The following XRCC4 variants were observed in gnomAD, a reference collection of about 807,000 sequenced individuals.
XRCC4 encodes X-ray repair cross complementing 4.
In XRCC4, 28 loss-of-function variants were observed where a neutral mutation model predicts 39.1. The observed-to-expected ratio is 0.72, with a 90% CI of 0.53 to 0.98. XRCC4 has a LOEUF of 0.98. XRCC4 is among the 50% of genes least tolerant of loss of function. XRCC4 has a pLI of 0.00. For missense variants in XRCC4, 350 were observed against 376.4 expected (o/e 0.93, Z 0.58); for synonymous variants, 123 against 126.4 (o/e 0.97, Z 0.18).
chr5:83,365,142 C>T, the XRCC4 span, among the ~76,000 whole-genome samples: 16 of 152,168 alleles, frequency 1.1e-4, no homozygotes, highest in Admixed American at 5.2e-4. Context: ...GGAAACACCA[C>T]TTACTGTACT....
chr5:83,333,294 T>C (rs189071086), intron 7 of XRCC4, among the ~76,000 whole-genome samples: 17 of 152,290 alleles, frequency 1.1e-4, no homozygotes, highest in Non-Finnish European at 1.9e-4. Context: ...TCATGTATTC[T>C]CAAATTAAAA....
intron 7 of XRCC4, among the ~76,000 whole-genome samples, chr5:83,350,799 GT>G (rs1757058114): frequency 6.6e-6 from 1 of 152,022 alleles, no homozygotes; most frequent in South Asian, 2.1e-4. Context: ...TTTTGTTTTT[GT>G]TGCAGTTGCT....
At chr5:83,258,209 G>T (rs1043350776) in intron 6 of XRCC4, among the ~76,000 whole-genome samples, 1 of 151,876 alleles carries the variant, frequency 6.6e-6, no homozygotes, top group Non-Finnish European at 1.5e-5. Flanking sequence ...ATGCAGTTTT[G>T]TTTTTGTTGC....
rs761730726 is a variant in XRCC4, at chr5:83,258,591, T to C, written c.807T>C (p.Ser269=). 5.6e-6 allele frequency: 9 copies of C among 1,610,488 alleles called. No individual in the cohort carries two copies. The highest frequency in any genetic ancestry group is 3.4e-5 in the Admixed American group (2 of 59,092). Residue 269 remains serine (S), a synonymous_variant, in exon 7 of 8, where the codon AGT becomes AGC. Transcript: ENST00000396027. ...TTGATGTCACTGATATTGCACCAAG[T>C]AGAAAAAGGAGACAGCGAATGCAAA... ...SSLDVTDIAP[S]RKRRQRMQRN...
chr5:83,258,794 C>G (rs183042298), intron 7 of XRCC4, 117 bp downstream of exon 7: 1 of 1,193,382 alleles, frequency 8.4e-7, no homozygotes, highest in Admixed American at 3.0e-5. Flanking sequence ...AAGAAAATGT[C>G]ATTTTGGAAT....
intron 3 of XRCC4, among the ~76,000 whole-genome samples, chr5:83,112,462 T>C (rs1232304050): frequency 6.6e-6 from 1 of 152,226 alleles, no homozygotes; most frequent in Non-Finnish European, 1.5e-5. Context: ...TTCACACATA[T>C]TGATACATAA....
chr5:83,122,853 G>C (rs749878278), intron 3 of XRCC4, among the ~76,000 whole-genome samples: 1 of 151,926 alleles, frequency 6.6e-6, no homozygotes, highest in African/African-American at 2.4e-5. Flanking sequence ...TACAGATATC[G>C]TGCCAATACT....
At chr5:83,146,319 C>G (rs1030393088) in intron 3 of XRCC4, among the ~76,000 whole-genome samples, 2 of 152,148 alleles carry the variant, frequency 1.3e-5, no homozygotes, top group Non-Finnish European at 2.9e-5. Context: ...TGAGCTATTT[C>G]AAACTGAATT....
At chr5:83,298,466 T>A (rs1037403203) in intron 7 of XRCC4, among the ~76,000 whole-genome samples, 1 of 152,004 alleles carries the variant, frequency 6.6e-6, no homozygotes. Context: ...CTTTCATTAT[T>A]ATAAAATGAC....
chr5:83,274,415 C>A (rs1316515704), intron 7 of XRCC4, among the ~76,000 whole-genome samples: 1 of 152,174 alleles, frequency 6.6e-6, no homozygotes, highest in Non-Finnish European at 1.5e-5. Context: ...TCATAAGCAT[C>A]TTTTCAACAA....
chr5:83,348,948 G>C (rs1757000584), intron 7 of XRCC4, among the ~76,000 whole-genome samples: 1 of 151,860 alleles, frequency 6.6e-6, no homozygotes, highest in Admixed American at 6.5e-5. Context: ...CTCTACTCCA[G>C]TTCCCAATAA....
At chr5:83,152,117 CTAAAG>C (rs552436204) in intron 3 of XRCC4, among the ~76,000 whole-genome samples, 102 of 152,264 alleles carry the variant, frequency 6.7e-4, no homozygotes, top group South Asian at 3.7e-3. Flanking sequence ...TTCTCAGCAA[CTAAAG>C]TATTGAATTA....
At chr5:83,295,130 A>G (rs1755049824) in intron 7 of XRCC4, among the ~76,000 whole-genome samples, 1 of 152,056 alleles carries the variant, frequency 6.6e-6, no homozygotes, top group Non-Finnish European at 1.5e-5. Flanking sequence ...TTCCTTCTTA[A>G]ATCTTTTTAT....
chr5:83,213,976 A>G (rs1276295109), intron 6 of XRCC4, among the ~76,000 whole-genome samples: 1 of 152,180 alleles, frequency 6.6e-6, no homozygotes, highest in Non-Finnish European at 1.5e-5. Flanking sequence ...ATCTCAATAG[A>G]TGCTGAAAAG....
intron 3 of XRCC4, among the ~76,000 whole-genome samples, chr5:83,112,127 T>C (rs1035377000): frequency 2.6e-5 from 4 of 151,498 alleles, no homozygotes; most frequent in Non-Finnish European, 5.9e-5. Context: ...CCCTTAGTAA[T>C]TTATATTTAA....
chr5:83,210,407 T>C (rs1464680647), intron 6 of XRCC4, among the ~76,000 whole-genome samples: 2 of 152,222 alleles, frequency 1.3e-5, no homozygotes, highest in Non-Finnish European at 2.9e-5. Flanking sequence ...AATAACGTTA[T>C]ATGCTTTGGA....
chr5:83,089,771 GT>G (rs1246664858), intron 1 of XRCC4, among the ~76,000 whole-genome samples: 1 of 152,146 alleles, frequency 6.6e-6, no homozygotes, highest in Non-Finnish European at 1.5e-5. Flanking sequence ...TTAATGAAAT[GT>G]TTATTAACAA....
At chr5:83,157,312 C>G (rs1232411489) in intron 3 of XRCC4, among the ~76,000 whole-genome samples, 1 of 152,102 alleles carries the variant, frequency 6.6e-6, no homozygotes, top group Admixed American at 6.6e-5. Flanking sequence ...CTTCCCTACT[C>G]TGTTCTGCCT....
chr5:83,102,948 A>G (rs969096733), intron 1 of XRCC4, among the ~76,000 whole-genome samples: 1 of 147,434 alleles, frequency 6.8e-6, no homozygotes, highest in Admixed American at 6.9e-5. Context: ...TCTGTTTTTT[A>G]TTCATACAAT....
Sources: gnomAD v4.1 joint callset for allele counts (sites outside exome capture counted in the v4.1 genomes callset) on GRCh38, gnomAD v4.1.1 for gene constraint, MANE v1.5 for transcripts, NCBI Gene and HGNC (gene_info 2026-07-23, HGNC 2026-07-21) for gene names.